The following SLC14A2 variants were observed in gnomAD, a reference collection of about 807,000 sequenced individuals.
The protein encoded by SLC14A2 is solute carrier family 14 member 2.
A neutral mutation model predicts 104.6 loss-of-function variants in SLC14A2; 91 were observed. That is an observed-to-expected ratio of 0.87 (90% confidence interval 0.73 to 1.04). The LOEUF (loss-of-function observed/expected upper bound fraction) is 1.04, where lower values mean the gene tolerates loss of function less well. Ranked by LOEUF, SLC14A2 falls within the 50% of genes least tolerant of loss-of-function variation. The pLI, the probability that SLC14A2 is intolerant of heterozygous loss-of-function variation, is 0.00. For synonymous variants in SLC14A2, 476 were observed against 466.4 expected (o/e 1.02, Z -0.27); for missense variants, 1,189 against 1,156.0 (o/e 1.03, Z -0.41).
At chr18:45,306,695 A>T (rs1032632261) in intron 1 of SLC14A2, among the ~76,000 whole-genome samples, 1 of 152,130 alleles carries the variant, frequency 6.6e-6, no homozygotes, top group Non-Finnish European at 1.5e-5. Flanking sequence ...AGGTCAGTAG[A>T]CCTGGGGTCT....
In SLC14A2 at chr18:45,339,801, G is replaced by T. The variant is rs143015227; in HGVS notation, c.-125+126610G>T. 2.2e-3 allele frequency among the ~76,000 whole-genome samples: 337 copies of T among 152,298 alleles called. 2 individuals carry two copies. Among genetic ancestry groups the T allele is most frequent in the African/African-American group, 7.5e-3 (312 of 41,576 alleles). ...TTTGATGGCATAGTCCATGGGTAGG[G>T]TGACCATATAATTTATTGTCCAAAG... On this transcript the variant is annotated intron_variant, in intron 1 of 20. Coordinates refer to the SLC14A2 transcript ENST00000586448.
chr18:45,412,753 A>T (rs2086228106), intron 1 of SLC14A2, among the ~76,000 whole-genome samples: 1 of 152,162 alleles, frequency 6.6e-6, no homozygotes, highest in Non-Finnish European at 1.5e-5. Context: ...AGTCATAGGG[A>T]CTTGCCCTTT....
At chr18:45,258,918 C>G (rs1240728334) in intron 1 of SLC14A2, among the ~76,000 whole-genome samples, 1 of 152,214 alleles carries the variant, frequency 6.6e-6, no homozygotes, top group Non-Finnish European at 1.5e-5. Flanking sequence ...TTGCACTTCT[C>G]TCAGCTGCCT....
chr18:45,204,759 T>C, the SLC14A2 span, among the ~76,000 whole-genome samples: 1 of 150,918 alleles, frequency 6.6e-6, no homozygotes, highest in Non-Finnish European at 1.5e-5. Context: ...ATTCAACCAA[T>C]GCATTTTCAC....
chr18:45,538,531 G>T (rs2043832784), intron 2 of SLC14A2, among the ~76,000 whole-genome samples: 3 of 152,182 alleles, frequency 2.0e-5, no homozygotes, highest in Admixed American at 6.5e-5. Context: ...CTGGCCCCAG[G>T]CTTCAGTTCC....
intron 4 of SLC14A2, among the ~76,000 whole-genome samples, chr18:45,631,620 G>T (rs748107323): frequency 2.0e-5 from 3 of 152,212 alleles, no homozygotes; most frequent in Non-Finnish European, 4.4e-5. Context: ...CAGCTACAGA[G>T]AATTTTTTGT....
intron 16 of SLC14A2, among the ~76,000 whole-genome samples, chr18:45,672,333 C>T (rs2046153830): frequency 6.6e-6 from 1 of 152,082 alleles, no homozygotes; most frequent in East Asian, 1.9e-4. Flanking sequence ...AGTTCAAGAC[C>T]AGCCTGATCA....
chr18:45,668,637 T>C (rs1405111771), intron 15 of SLC14A2, among the ~76,000 whole-genome samples, 160 bp downstream of exon 15: 1 of 152,234 alleles, frequency 6.6e-6, no homozygotes, highest in Non-Finnish European at 1.5e-5. Flanking sequence ...TATACCATGG[T>C]AGCCCCATGC....
At chr18:45,379,084 G>A (rs921426875) in intron 1 of SLC14A2, among the ~76,000 whole-genome samples, 2 of 152,120 alleles carry the variant, frequency 1.3e-5, no homozygotes, top group Admixed American at 6.5e-5. Flanking sequence ...ACCCAAACCC[G>A]AACAGTGCCT....
At chr18:45,235,679 T>C (rs1257549729) in intron 1 of SLC14A2, among the ~76,000 whole-genome samples, 1 of 151,674 alleles carries the variant, frequency 6.6e-6, no homozygotes, top group Non-Finnish European at 1.5e-5. Context: ...GTGATGTTTG[T>C]GTTTCTGTCC....
chr18:45,624,697 A>G lies in SLC14A2; in HGVS notation c.33A>G (p.Pro11=), dbSNP rs1330980165. The G allele has an allele frequency of 2.5e-6, 4 of 1,613,206 alleles. No individual in the cohort carries two copies. Among genetic ancestry groups the G allele is most frequent in the African/African-American group, 1.3e-5 (1 of 74,926 alleles). MSDPHSSPLL[P]EPLSSRYKLY... ...ACCCCCACAGCAGTCCTCTCCTGCC[A>G]GAGCCACTTTCCAGCAGATACAAAC... is the stretch of plus-strand genomic sequence containing the variant. The change falls in exon 2 of 20, where the codon CCA becomes CCG. Residue 11 remains proline, a synonymous_variant. Coordinates refer to ENST00000255226, the MANE Select transcript of SLC14A2 (RefSeq NM_007163.4).
chr18:45,170,143 G>T, the SLC14A2 span, among the ~76,000 whole-genome samples: 1 of 152,054 alleles, frequency 6.6e-6, no homozygotes, highest in Admixed American at 6.5e-5. Context: ...GTCGTGGCTC[G>T]GTCACTCTGC....
chr18:45,522,547 T>C (rs546940038), intron 2 of SLC14A2, among the ~76,000 whole-genome samples: 1 of 152,228 alleles, frequency 6.6e-6, no homozygotes, highest in African/African-American at 2.4e-5. Context: ...AAATGCCACA[T>C]AGCACATTTA....
At chr18:45,342,950 C>T (rs1454226674) in intron 1 of SLC14A2, among the ~76,000 whole-genome samples, 1 of 152,064 alleles carries the variant, frequency 6.6e-6, no homozygotes, top group African/African-American at 2.4e-5. Flanking sequence ...TTATTCAGAC[C>T]TTTAATCAGT....
intron 1 of SLC14A2, among the ~76,000 whole-genome samples, chr18:45,373,269 A>G (rs921479837): frequency 2.6e-5 from 4 of 152,120 alleles, no homozygotes; most frequent in Non-Finnish European, 5.9e-5. Context: ...TTCCTCCACT[A>G]TCTTCACACA....
At chr18:45,191,189 C>G in the SLC14A2 span, among the ~76,000 whole-genome samples, 4 of 152,150 alleles carry the variant, frequency 2.6e-5, no homozygotes, top group Admixed American at 2.6e-4. Context: ...GACTAAGCTC[C>G]TTGAAGGCAG....
chr18:45,522,054 G>A (rs559355754), intron 2 of SLC14A2, among the ~76,000 whole-genome samples: 1 of 152,290 alleles, frequency 6.6e-6, no homozygotes, highest in African/African-American at 2.4e-5. Context: ...TTTGCCCCTT[G>A]GGCAATCTAA....
chr18:45,288,880 G>C (rs146176533), intron 1 of SLC14A2, among the ~76,000 whole-genome samples: 313 of 152,302 alleles, frequency 2.1e-3, no homozygotes, highest in Non-Finnish European at 2.5e-3. Flanking sequence ...TGTAGTTCCT[G>C]TGGGGATTCA....
chr18:45,435,250 T>C (rs999794795), intron 1 of SLC14A2: 6 of 152,178 alleles, frequency 3.9e-5, no homozygotes, highest in African/African-American at 1.4e-4. Context: ...AAGCTGATTC[T>C]TCAAAATTTC....
Sources: gnomAD v4.1 joint callset for allele counts (sites outside exome capture counted in the v4.1 genomes callset) on GRCh38, gnomAD v4.1.1 for gene constraint, MANE v1.5 for transcripts, NCBI Gene and HGNC (gene_info 2026-07-23, HGNC 2026-07-21) for gene names.